The following TTC33 variants were observed in gnomAD, a reference collection of about 807,000 sequenced individuals.
The protein encoded by TTC33 is tetratricopeptide repeat protein 33.
TTC33 carries 24 observed loss-of-function variants against 29.4 expected under a neutral mutation model. The ratio of observed to expected loss-of-function variants is 0.82; its 90% confidence interval spans 0.59 to 1.15. TTC33 has a LOEUF of 1.15. Ranked by LOEUF, TTC33 falls within the 50% of genes most tolerant of loss-of-function variation. The probability of loss-of-function intolerance (pLI) is 0.00; values close to 1 mark genes in which losing one functional copy is unlikely to be tolerated. For synonymous variants in TTC33, 107 were observed against 100.3 expected (o/e 1.07, Z -0.40); for missense variants, 286 against 310.4 (o/e 0.92, Z 0.59).
At chr5:40,733,798 T>C (rs1271641846) in intron 2 of TTC33, among the ~76,000 whole-genome samples, 1 of 152,206 alleles carries the variant, frequency 6.6e-6, no homozygotes, top group Non-Finnish European at 1.5e-5. Flanking sequence ...TAAGCTTAAG[T>C]TGTCCCAAGT....
intron 1 of TTC33, among the ~76,000 whole-genome samples, chr5:40,751,154 T>G (rs1379531157): frequency 6.6e-6 from 1 of 152,236 alleles, no homozygotes; most frequent in African/African-American, 2.4e-5. Context: ...TCACTATCTA[T>G]GGCAGCTATA....
intron 1 of TTC33, among the ~76,000 whole-genome samples, chr5:40,748,236 T>G (rs1742835670): frequency 6.8e-6 from 1 of 146,440 alleles, no homozygotes; most frequent in African/African-American, 2.5e-5. Context: ...TTTGCTCGTT[T>G]CCCCAGCTGG....
At chr5:40,723,447 T>A (rs13176759) in intron 4 of TTC33, among the ~76,000 whole-genome samples, 21 of 147,942 alleles carry the variant, frequency 1.4e-4, no homozygotes, top group African/African-American at 4.3e-4. Context: ...TAAAAAAATT[T>A]AAAAAAATTT....
chr5:40,742,396 G>A (rs1742713663), intron 2 of TTC33, among the ~76,000 whole-genome samples: 1 of 151,994 alleles, frequency 6.6e-6, no homozygotes, highest in African/African-American at 2.4e-5. Flanking sequence ...CATTACATAC[G>A]TAAATTCATG....
chr5:40,747,445 T>A (rs1742817897), intron 1 of TTC33, among the ~76,000 whole-genome samples: 1 of 152,128 alleles, frequency 6.6e-6, no homozygotes, highest in Admixed American at 6.5e-5. Flanking sequence ...CAACCCTAAT[T>A]AGTGGCTGTA....
At chr5:40,748,341 C>A (rs573390044) in intron 1 of TTC33, among the ~76,000 whole-genome samples, 27 of 152,276 alleles carry the variant, frequency 1.8e-4, no homozygotes, top group Non-Finnish European at 2.8e-4. Context: ...GGATTACAGG[C>A]ATGCGTCACA....
rs11352584 is a variant in TTC33, at chr5:40,726,616, GAA to G, written c.435+1727_435+1728del. Among the ~76,000 whole-genome samples, 825 of 148,210 alleles carry G rather than the reference GAA, an allele frequency of 5.6e-3. 7 individuals carry two copies. Among genetic ancestry groups the G allele is most frequent in the African/African-American group, 0.018 (749 of 40,626 alleles). ...ATTAATGAATAGAGCCATATCAACA[GAA>G]AAAAAAAAAGTCGAACTGGTACTCT... On this transcript the variant is annotated intron_variant, in intron 4 of 4. Coordinates refer to ENST00000337702, the MANE Select transcript of TTC33 (RefSeq NM_012382.3).
chr5:40,733,183 G>A (rs889360513), intron 2 of TTC33, among the ~76,000 whole-genome samples: 2 of 152,260 alleles, frequency 1.3e-5, no homozygotes, highest in East Asian at 3.9e-4. Flanking sequence ...ACAAAAACAT[G>A]AGAATTCTAC....
chr5:40,740,527 A>G (rs566725124), intron 2 of TTC33, among the ~76,000 whole-genome samples: 237 of 152,260 alleles, frequency 1.6e-3, no homozygotes, highest in African/African-American at 5.5e-3. Flanking sequence ...ATCCATGGCC[A>G]CATATGCAGC....
intron 1 of TTC33, among the ~76,000 whole-genome samples, chr5:40,753,430 A>G (rs534870884): frequency 1.3e-5 from 2 of 152,290 alleles, no homozygotes; most frequent in South Asian, 2.1e-4. Flanking sequence ...GTGAACCACA[A>G]ACTTTCCACA....
chr5:40,714,494 T>A lies in TTC33; in HGVS notation c.*1651A>T, dbSNP rs1215766912. 1 of 152,222 alleles carries A rather than the reference T, an allele frequency of 6.6e-6. No individual in the cohort carries two copies. The highest frequency in any genetic ancestry group is 1.5e-5 in the Non-Finnish European group (1 of 68,008). The allele number at this position is 152,222 out of a possible 1,614,324, so 9.4% of individuals were successfully genotyped here. A position where few individuals can be genotyped will look rare whatever the true frequency, so the allele number is the denominator to read the frequency against. On this transcript the variant is annotated 3_prime_UTR_variant, in exon 5 of 5. Coordinates refer to ENST00000337702, the MANE Select transcript of TTC33 (RefSeq NM_012382.3). ...TCAAAATGCAGAAAAAAACTATTTA[T>A]TCACAAATTACACAAAAAACAAACA...
intron 4 of TTC33, among the ~76,000 whole-genome samples, chr5:40,725,785 T>A (rs894720317): frequency 5.3e-5 from 5 of 95,120 alleles, no homozygotes; most frequent in African/African-American, 1.9e-4. Flanking sequence ...TCTCTTCAGC[T>A]TTTTTTTTTT....
intron 3 of TTC33, 148 bp downstream of exon 3, chr5:40,730,114 C>G (rs549512732): frequency 1.6e-6 from 1 of 606,528 alleles, no homozygotes; most frequent in South Asian, 2.4e-5. Context: ...AAGACAGAAC[C>G]ATAAATAATG....
intron 1 of TTC33, among the ~76,000 whole-genome samples, chr5:40,753,898 T>C (rs563807658): frequency 1.4e-4 from 21 of 151,378 alleles, no homozygotes; most frequent in Non-Finnish European, 2.7e-4. Context: ...ATAAAAATCA[T>C]TGATCAAAAG....
In TTC33 at chr5:40,749,169, A is replaced by C. The variant is rs544164430; in HGVS notation, c.-1-2150T>G. ...GCAATGATATACAAATGTAAGAAAT[A>C]AAGAGAGGATAAATGATAAAACAAA... On this transcript the variant is annotated intron_variant, in intron 1 of 4. Transcript: ENST00000337702. 2.2e-4 allele frequency among the ~76,000 whole-genome samples: 33 copies of C among 152,344 alleles called. 1 individual carries two copies. In the South Asian group the frequency reaches 5.8e-3, roughly 27 times the overall value.
intron 1 of TTC33, among the ~76,000 whole-genome samples, chr5:40,750,823 T>A (rs569512272): frequency 1.3e-5 from 2 of 152,352 alleles, no homozygotes; most frequent in Admixed American, 1.3e-4. Flanking sequence ...AAGAAACCAC[T>A]TTCTTTGTTC....
chr5:40,713,357 G>A lies in TTC33; in HGVS notation c.*2788C>T, dbSNP rs1346861736. Among the ~76,000 whole-genome samples, 1 of 152,000 alleles carries A rather than the reference G, an allele frequency of 6.6e-6. No individual in the cohort carries two copies. The highest frequency in any genetic ancestry group is 1.5e-5 in the Non-Finnish European group (1 of 67,994). ...TATGTAATTTTCAAACAACTAAAAG[G>A]GCTATACTGTTCAGTTATAATCTTA... On this transcript the variant is annotated 3_prime_UTR_variant, in exon 5 of 5. Transcript: ENST00000337702.
chr5:40,720,320 AATT>A (rs1476851000), intron 4 of TTC33, among the ~76,000 whole-genome samples: 1 of 152,144 alleles, frequency 6.6e-6, no homozygotes, highest in Non-Finnish European at 1.5e-5. Context: ...TCCCCCATTA[AATT>A]GTCTTGACAC....
rs1038868058 is a variant in TTC33 at position 40,715,436 on chromosome 5, G to T, written c.*709C>A. 3.3e-5 allele frequency: 5 copies of T among 152,200 alleles called. No individual in the cohort carries two copies. The highest frequency in any genetic ancestry group is 1.2e-4 in the African/African-American group (5 of 41,422). 9.4% of individuals were successfully genotyped at this position (152,200 alleles called of 1,614,324 possible). ...TCATTTGTGGTAAGGATTACTTACT[G>T]TAACAATTAAAAAATAAAACCATCA... On this transcript the variant is annotated 3_prime_UTR_variant, in exon 5 of 5. Coordinates refer to ENST00000337702, the MANE Select transcript of TTC33 (RefSeq NM_012382.3).
Sources: gnomAD v4.1 joint callset for allele counts (sites outside exome capture counted in the v4.1 genomes callset) on GRCh38, gnomAD v4.1.1 for gene constraint, MANE v1.5 for transcripts, NCBI Gene and HGNC (gene_info 2026-07-23, HGNC 2026-07-21) for gene names.